The following FAM186A variants were observed in gnomAD, a reference collection of about 807,000 sequenced individuals.
FAM186A encodes protein FAM186A.
FAM186A carries 163 observed loss-of-function variants against 216.8 expected under a neutral mutation model. That is an observed-to-expected ratio of 0.75 (90% confidence interval 0.66 to 0.86). FAM186A has a LOEUF of 0.86. Ranked by LOEUF, FAM186A falls within the 40% of genes least tolerant of loss-of-function variation. The pLI is 0.00. For missense variants in FAM186A, 2,184 were observed against 2,746.2 expected, an observed-to-expected ratio of 0.80 and a Z score of 4.58; for synonymous variants, 805 against 1,025.3, an observed-to-expected ratio of 0.79 and a Z score of 4.10.
chr12:50,355,271 T>G lies in FAM186A; in HGVS notation c.1561A>C (p.Lys521Gln), dbSNP rs748546852. 1 of 1,551,598 alleles carries G rather than the reference T, an allele frequency of 6.4e-7. No homozygotes were observed. Among genetic ancestry groups the G allele is most frequent in the South Asian group, 1.2e-5 (1 of 84,002 alleles). ...EDKSKSPTEAKRKHLSLTETK... is the reference protein window; with the variant it reads ...EDKSKSPTEAQRKHLSLTETK... ...TCAGTTAAAGAGAGATGTTTTCTTT[T>G]TGCTTCAGTGGGTGACTTTGATTTA... The change falls in exon 4 of 8, where the codon AAA becomes CAA. Residue 521 changes from lysine (K) to glutamine (Q), a missense_variant. Lys to Gln is a moderately conservative substitution (Grantham distance 53, BLOSUM62 1). Around this residue, in one of 7 missense-constraint regions of FAM186A, gnomAD observed 1,132 missense variants for 1,263.4 expected, o/e 0.90. Coordinates refer to ENST00000327337, the MANE Select transcript of FAM186A (RefSeq NM_001145475.3).
intron 4 of FAM186A, among the ~76,000 whole-genome samples, chr12:50,347,785 A>G (rs954310032): frequency 2.0e-5 from 3 of 152,184 alleles, no homozygotes; most frequent in Admixed American, 6.5e-5. Context: ...GATATTTGCA[A>G]CTTTTAAAAA....
chr12:50,363,413 G>A, intron 1 of FAM186A, 49 bp from the exon 2 acceptor site: 2 of 1,448,330 alleles, frequency 1.4e-6, no homozygotes. Flanking sequence ...TTGAAAAGAA[G>A]CTTTGGTCAT....
Position 50,355,347 on chromosome 12 carries a change from C to G in FAM186A, c.1485G>C (p.Glu495Asp). ...TTCTTTTCTTTTTCAGTACTTGTAG[C>G]TCATAGTATTGACTAGGTTTGGCCT... ...VSEAKPSQYYELQVLKKKRKE... is the reference protein window; with the variant it reads ...VSEAKPSQYYDLQVLKKKRKE... Residue 495 changes from glutamate (E) to aspartate (D), a missense_variant, in exon 4 of 8, where the codon GAG becomes GAC. Around this residue, in one of 7 missense-constraint regions of FAM186A, gnomAD observed 1,132 missense variants for 1,263.4 expected, o/e 0.90. Transcript: ENST00000327337. The G allele has an allele frequency of 6.4e-7, 1 of 1,550,998 alleles. No individual in the cohort carries two copies. Among genetic ancestry groups the G allele is most frequent in the South Asian group, 1.2e-5 (1 of 83,918 alleles).
chr12:50,379,470 AAAC>A (rs1484157763), intron 1 of FAM186A, among the ~76,000 whole-genome samples: 61 of 8,412 alleles, frequency 7.3e-3, no homozygotes, highest in African/African-American at 7.4e-3. Context: ...AAAGAGGGAA[AAAC>A]AAAAACAAAA....
At chr12:50,365,858 A>G in intron 1 of FAM186A, 1 of 762,860 alleles carries the variant, frequency 1.3e-6, no homozygotes, top group Non-Finnish European at 2.4e-6. Flanking sequence ...AAATTGGCAA[A>G]GTAGTCCAGG....
Position 50,351,774 on chromosome 12 carries a change from C to T in FAM186A, c.5058G>A (p.Lys1686=). ...NLEQAQEQLL[K]LGVPLTLDKA... ...TATCTAAGGTGAGAGGAACCCCTAA[C>T]TTCAATAACTGTTCTTGAGCCTGTT... Residue 1686 remains lysine (K), a synonymous_variant, in exon 4 of 8, where the codon AAG becomes AAA. Transcript: ENST00000327337. The T allele has an allele frequency of 6.4e-7, 1 of 1,550,840 alleles. No individual in the cohort carries two copies. The highest frequency in any genetic ancestry group is 1.2e-5 in the South Asian group (1 of 84,004).
Position 50,355,431 on chromosome 12 carries a change from A to G in FAM186A, c.1401T>C (p.Tyr467=), listed in dbSNP as rs1474685438. The change falls in exon 4 of 8, where the codon TAT becomes TAC. Residue 467 remains tyrosine, a synonymous_variant. Transcript: ENST00000327337. Reference sequence around the variant, plus strand: ...GATTTGGTCCAGAGGTCTCATATACATATGTGGCTTTTTTGTGGCTTCTTT... The same window carrying G: ...GATTTGGTCCAGAGGTCTCATATACGTATGTGGCTTTTTTGTGGCTTCTTT... ...SWKRSHKKAT[Y]VYETSGPNLS... is the part of the protein sequence containing the mutation. 7.1e-6 allele frequency: 11 copies of G among 1,551,118 alleles called. No homozygotes were observed. The highest frequency in any genetic ancestry group is 1.4e-5 in the African/African-American group (1 of 73,020).
intron 4 of FAM186A, 124 bp downstream of exon 4, chr12:50,350,205 C>CT: frequency 1.1e-6 from 1 of 875,996 alleles, no homozygotes; most frequent in Non-Finnish European, 1.7e-6. Context: ...TCCCATAGAC[C>CT]TTATATAAGG....
At chr12:50,350,235 G>A in intron 4 of FAM186A, 94 bp downstream of exon 4, 1 of 1,160,576 alleles carries the variant, frequency 8.6e-7, no homozygotes, top group Non-Finnish European at 1.2e-6. Flanking sequence ...AGAACATATG[G>A]CCTGACAAAT....
At chr12:50,357,087 T>C (rs1942985742) in intron 3 of FAM186A, among the ~76,000 whole-genome samples, 1 of 152,204 alleles carries the variant, frequency 6.6e-6, no homozygotes, top group Non-Finnish European at 1.5e-5. Flanking sequence ...AGACAAAACT[T>C]TTCTCTGGTT....
Position 50,353,174 on chromosome 12 carries a change from T to A in FAM186A, c.3658A>T (p.Thr1220Ser), listed in dbSNP as rs1159448878. The A allele has an allele frequency of 6.8e-7, 1 of 1,477,974 alleles. No individual in the cohort carries two copies. The highest frequency in any genetic ancestry group is 9.0e-7 in the Non-Finnish European group (1 of 1,106,486). The allele number at this position is 1,477,974 out of a possible 1,614,324, so 91.6% of individuals were successfully genotyped here. Reference protein sequence around the residue: ...QQAQELGIPLTPQQAQALGIT... With the variant: ...QQAQELGIPLSPQQAQALGIT... ...CCCAGGGCCTGGGCCTGCTGAGGGG[T>A]GAGAGGGATCCCCAATTCCTGAGCC... The change falls in exon 4 of 8, where the codon ACC (threonine) becomes TCC (serine). Residue 1220 changes from threonine (T) to serine (S), a missense_variant. This residue lies in a region of FAM186A where 267 missense variants were observed against 446.2 expected (regional missense o/e 0.60). Transcript: ENST00000327337.
intron 1 of FAM186A, among the ~76,000 whole-genome samples, chr12:50,395,595 C>A (rs1383852085): frequency 1.3e-5 from 2 of 152,122 alleles, no homozygotes; most frequent in Non-Finnish European, 2.9e-5. Context: ...CAGGCATAAG[C>A]CACCGCACCC....
chr12:50,363,568 T>C (rs2136097987), intron 1 of FAM186A, among the ~76,000 whole-genome samples: 1 of 152,294 alleles, frequency 6.6e-6, no homozygotes, highest in Non-Finnish European at 1.5e-5. Flanking sequence ...AATGCTATGA[T>C]ATAATGGAAA....
At chr12:50,385,340 C>T (rs1481405439) in intron 1 of FAM186A, among the ~76,000 whole-genome samples, 2 of 149,156 alleles carry the variant, frequency 1.3e-5, no homozygotes, top group Admixed American at 6.7e-5. Context: ...ATTGCTTGAA[C>T]CTGGGAGGCA....
Position 50,355,172 on chromosome 12 carries a change from A to T in FAM186A, c.1660T>A (p.Ser554Thr). 1 of 1,551,552 alleles carries T rather than the reference A, an allele frequency of 6.4e-7. No homozygotes were observed. The highest frequency in any genetic ancestry group is 8.7e-7 in the Non-Finnish European group (1 of 1,146,974). Residue 554 changes from serine (S) to threonine (T), a missense_variant, in exon 4 of 8, where the codon TCT becomes ACT. By Grantham distance (58) the Ser-to-Thr change is moderately conservative. This residue lies in a region of FAM186A where 1,132 missense variants were observed against 1,263.4 expected (regional missense o/e 0.90). Coordinates refer to ENST00000327337, the MANE Select transcript of FAM186A (RefSeq NM_001145475.3). Reference sequence around the variant, plus strand: ...GCAGTTGGACGTTTGTCAAATGGAGATTCACGTTTGACCTTCCTAAATTGC... The same window carrying T: ...GCAGTTGGACGTTTGTCAAATGGAGTTTCACGTTTGACCTTCCTAAATTGC... ...LEQFRKVKRESPFDKRPTAAE... is the reference protein window; with the variant it reads ...LEQFRKVKRETPFDKRPTAAE...
In FAM186A at chr12:50,355,120, G is replaced by A; in HGVS notation, c.1712C>T (p.Thr571Ile). 1 of 1,551,632 alleles carries A rather than the reference G, an allele frequency of 6.4e-7. No homozygotes were observed. Among genetic ancestry groups the A allele is most frequent in the Non-Finnish European group, 8.7e-7 (1 of 1,146,970 alleles). ...TTTGCCCTCTTTGTCCAATGACTCA[G>A]TGGTGGGTTCCACTTTAATCTCTGC... ...TAAEIKVEPT[T>I]ESLDKEGKGE... Residue 571 changes from threonine (T) to isoleucine (I), a missense_variant, in exon 4 of 8, where the codon ACT becomes ATT. Thr to Ile is a moderately conservative substitution (Grantham distance 89). Around this residue, in one of 7 missense-constraint regions of FAM186A, gnomAD observed 1,132 missense variants for 1,263.4 expected, o/e 0.90. Transcript: ENST00000327337.
chr12:50,374,857 G>C (rs1943182393), intron 1 of FAM186A, among the ~76,000 whole-genome samples: 1 of 152,098 alleles, frequency 6.6e-6, no homozygotes, highest in Non-Finnish European at 1.5e-5. Context: ...ACAACAAAAA[G>C]TTTGTCCATG....
At chr12:50,381,227 T>C (rs2136105142) in intron 1 of FAM186A, among the ~76,000 whole-genome samples, 1 of 152,344 alleles carries the variant, frequency 6.6e-6, no homozygotes, top group East Asian at 1.9e-4. Flanking sequence ...ACCTGCAACA[T>C]GGCAAGCAAG....
At chr12:50,393,142 G>C (rs1399967206) in intron 1 of FAM186A, among the ~76,000 whole-genome samples, 1 of 151,538 alleles carries the variant, frequency 6.6e-6, no homozygotes, top group Middle Eastern at 3.4e-3. Context: ...TAGCGAGAAT[G>C]GTCTCGATCT....
Sources: allele counts gnomAD v4.1 joint callset (sites outside exome capture counted in the v4.1 genomes callset), GRCh38; gene constraint gnomAD v4.1.1; regional missense constraint gnomAD v4.1.1; transcripts MANE v1.5; gene names NCBI Gene and HGNC (gene_info 2026-07-23, HGNC 2026-07-21).